Variants in TNIK observed in about 807,000 individuals in gnomAD.
TNIK encodes TRAF2 and NCK interacting kinase.
A neutral mutation model predicts 191.3 loss-of-function variants in TNIK; 49 were observed. The observed-to-expected ratio is 0.26, with a 90% CI of 0.20 to 0.32. The LOEUF (loss-of-function observed/expected upper bound fraction) is 0.32, where lower values mean the gene tolerates loss of function less well. Ranked by LOEUF, TNIK falls within the 10% of genes least tolerant of loss-of-function variation. The pLI is 1.00. For missense variants in TNIK, 1,155 were observed against 1,702.3 expected, an observed-to-expected ratio of 0.68 and a Z score of 5.66; for synonymous variants, 594 against 600.9, an observed-to-expected ratio of 0.99 and a Z score of 0.17.
intron 2 of TNIK, among the ~76,000 whole-genome samples, chr3:171,341,444 C>T (rs183885808): frequency 4.4e-5 from 5 of 114,720 alleles, no homozygotes; most frequent in Admixed American, 3.7e-4. Flanking sequence ...TGCACTCCAG[C>T]CTGGCCGACA....
In TNIK at chr3:171,204,545, A is replaced by G. The variant is rs141579699; in HGVS notation, c.306+6571T>C. Among the ~76,000 whole-genome samples the G allele has an allele frequency of 4.0e-3, 614 of 152,318 alleles. 5 individuals carry two copies. The highest frequency in any genetic ancestry group is 0.014 in the African/African-American group (586 of 41,564). ...ATTCATAATATTTTTATACAAACGT[A>G]ATCCTAACAAAATGCCACTAGTCTG... On this transcript the variant is annotated intron_variant, in intron 4 of 32. Coordinates refer to ENST00000436636, the MANE Select transcript of TNIK (RefSeq NM_015028.4).
chr3:171,299,695 G>T (rs1222195599), intron 2 of TNIK, among the ~76,000 whole-genome samples: 1 of 152,146 alleles, frequency 6.6e-6, no homozygotes, highest in Non-Finnish European at 1.5e-5. Flanking sequence ...CACTGCTTCA[G>T]CTTCCTCCAT....
At chr3:171,067,567 G>A (rs1718611808) in intron 30 of TNIK, among the ~76,000 whole-genome samples, 1 of 151,894 alleles carries the variant, frequency 6.6e-6, no homozygotes, top group South Asian at 2.1e-4. Flanking sequence ...CTACTCGGGA[G>A]GCTGAGGCAG....
At chr3:171,293,904 A>C (rs1311524889) in intron 2 of TNIK, among the ~76,000 whole-genome samples, 1 of 152,134 alleles carries the variant, frequency 6.6e-6, no homozygotes, top group Non-Finnish European at 1.5e-5. Flanking sequence ...ACACAGCAAG[A>C]GCTCATCTCT....
At chr3:171,264,454 C>A (rs1748127776) in intron 2 of TNIK, among the ~76,000 whole-genome samples, 1 of 151,960 alleles carries the variant, frequency 6.6e-6, no homozygotes, top group Admixed American at 6.6e-5. Flanking sequence ...TCCTGGGGAT[C>A]AAGTGATTCT....
At chr3:171,145,832 A>G (rs1480580573) in intron 12 of TNIK, among the ~76,000 whole-genome samples, 3 of 150,128 alleles carry the variant, frequency 2.0e-5, no homozygotes, top group Admixed American at 6.7e-5. Flanking sequence ...TTAGATAAGC[A>G]GAAAAGTACG....
intron 6 of TNIK, among the ~76,000 whole-genome samples, chr3:171,189,454 A>G (rs370364837): frequency 6.6e-6 from 1 of 152,196 alleles, no homozygotes; most frequent in Admixed American, 6.5e-5. Context: ...AAGGCTTCAC[A>G]GGGACCAAAA....
chr3:171,084,566 A>G (rs1161563180), intron 25 of TNIK, among the ~76,000 whole-genome samples: 1 of 152,228 alleles, frequency 6.6e-6, no homozygotes, highest in Non-Finnish European at 1.5e-5. Flanking sequence ...TGCAGAGTCT[A>G]GAAAGTCCCA....
chr3:171,368,882 G>A (rs1434144460), intron 2 of TNIK, among the ~76,000 whole-genome samples: 1 of 151,548 alleles, frequency 6.6e-6, no homozygotes, highest in African/African-American at 2.4e-5. Flanking sequence ...CATTTCAATA[G>A]CTCATTCAAT....
At chr3:171,338,853 G>A (rs1358491780) in intron 2 of TNIK, among the ~76,000 whole-genome samples, 1 of 152,078 alleles carries the variant, frequency 6.6e-6, no homozygotes, top group Non-Finnish European at 1.5e-5. Context: ...GTACAGTGCA[G>A]AAGGTACTAT....
chr3:171,104,756 G>T (rs1724433662), intron 21 of TNIK, among the ~76,000 whole-genome samples: 1 of 151,908 alleles, frequency 6.6e-6, no homozygotes, highest in African/African-American at 2.4e-5. Context: ...GAACTCTAAA[G>T]ATATGACATT....
At chr3:171,106,130 A>G (rs570528844) in intron 21 of TNIK, among the ~76,000 whole-genome samples, 1 of 152,326 alleles carries the variant, frequency 6.6e-6, no homozygotes, top group African/African-American at 2.4e-5. Flanking sequence ...GGTGAAGACC[A>G]GATACATGGA....
intron 7 of TNIK, among the ~76,000 whole-genome samples, chr3:171,181,160 C>G (rs757042857): frequency 6.6e-6 from 1 of 152,208 alleles, no homozygotes; most frequent in African/African-American, 2.4e-5. Context: ...GCTTTTAAGA[C>G]AGGCAGATCC....
Position 171,084,052 on chromosome 3 carries a change from C to G in TNIK, c.3169+103G>C. On this transcript the variant is annotated intron_variant, in intron 26 of 32. Coordinates refer to ENST00000436636, the MANE Select transcript of TNIK (RefSeq NM_015028.4). ...AGGTCTCTAATACCCAGGATTCAAC[C>G]AGTGTTCTTTTGATGACAAGATCCA... The G allele has an allele frequency of 2.9e-6, 4 of 1,377,394 alleles. No individual in the cohort carries two copies. The South Asian group carries it at 7.0e-5, about 24-fold the overall frequency. 85.3% of individuals were successfully genotyped at this position (1,377,394 alleles called of 1,614,324 possible).
At chr3:171,331,254 G>A (rs556077751) in intron 2 of TNIK, among the ~76,000 whole-genome samples, 1 of 152,272 alleles carries the variant, frequency 6.6e-6, no homozygotes, top group East Asian at 1.9e-4. Flanking sequence ...TTCTACCCCA[G>A]ATCCACAGCC....
chr3:171,225,393 T>C (rs2108977615), intron 3 of TNIK: 2 of 293,022 alleles, frequency 6.8e-6, no homozygotes, highest in South Asian at 6.0e-5. Flanking sequence ...GGTTAAATAA[T>C]CATCAATGAC....
intron 3 of TNIK, among the ~76,000 whole-genome samples, chr3:171,220,851 C>T (rs1405693733): frequency 1.3e-5 from 2 of 152,156 alleles, no homozygotes; most frequent in Non-Finnish European, 2.9e-5. Context: ...GAGGTATAGA[C>T]AGTAGCCCCC....
At chr3:171,385,737 T>C (rs1308567452) in intron 1 of TNIK, among the ~76,000 whole-genome samples, 1 of 152,170 alleles carries the variant, frequency 6.6e-6, no homozygotes, top group African/African-American at 2.4e-5. Context: ...GCATGTATCA[T>C]TTCTGTCAGA....
chr3:171,414,853 AG>A (rs1722853250), intron 1 of TNIK, among the ~76,000 whole-genome samples: 1 of 152,242 alleles, frequency 6.6e-6, no homozygotes, highest in African/African-American at 2.4e-5. Flanking sequence ...CCTGAGACTA[AG>A]TGGAAGACCT....
Sources: gnomAD v4.1 joint callset for allele counts (sites outside exome capture counted in the v4.1 genomes callset) on GRCh38, gnomAD v4.1.1 for gene constraint, MANE v1.5 for transcripts, NCBI Gene and HGNC (gene_info 2026-07-23, HGNC 2026-07-21) for gene names.